BID: variants seen among roughly 807,000 people sequenced by gnomAD.
The protein encoded by BID is BH3 interacting domain death agonist, also known as BH3-interacting domain death agonist.
In BID, 19 loss-of-function variants were observed where a neutral mutation model predicts 17.4. The observed-to-expected ratio is 1.09, with a 90% CI of 0.76 to 1.60. The LOEUF is 1.60. Ranked by LOEUF, BID falls within the 40% of genes most tolerant of loss-of-function variation. The probability of loss-of-function intolerance (pLI) is 0.00; values close to 1 mark genes in which losing one functional copy is unlikely to be tolerated. For missense variants in BID, 226 were observed against 256.0 expected (o/e 0.88, Z 0.80); for synonymous variants, 108 against 102.8 (o/e 1.05, Z -0.31).
chr22:17,768,860 G>T (rs112896765), intron 1 of BID, among the ~76,000 whole-genome samples: 1 of 141,056 alleles, frequency 7.1e-6, no homozygotes, highest in Non-Finnish European at 1.5e-5. Context: ...GCGACAGAGC[G>T]AGACTCCGTC....
intron 1 of BID, among the ~76,000 whole-genome samples, chr22:17,757,946 G>C (rs989404576): frequency 6.6e-6 from 1 of 152,168 alleles, no homozygotes; most frequent in African/African-American, 2.4e-5. Flanking sequence ...TGGAAGCAGA[G>C]ACAAAACTTC....
rs376172924 is a variant in BID at position 17,766,747 on chromosome 22, G to A, written c.-59+7634C>T. On this transcript the variant is annotated intron_variant, in intron 1 of 5. Coordinates refer to ENST00000622694, the MANE Select transcript of BID (RefSeq NM_001196.4). ...TGGGAGTATAGGCGTCTGCCACCAC[G>A]CCCGGCTAATTGTTTGTATTTTTTA... Among the ~76,000 whole-genome samples, 7 of 151,568 alleles carry A rather than the reference G, an allele frequency of 4.6e-5. No homozygotes were observed. In the East Asian group the frequency reaches 1.0e-3, roughly 22 times the overall value.
chr22:17,774,053 C>A, intron 1 of BID: 1 of 350,530 alleles, frequency 2.9e-6, no homozygotes, highest in East Asian at 7.5e-5. Flanking sequence ...CCCCTCCCCG[C>A]GCCCCGCACC....
At chr22:17,742,673 G>T (rs1348768702) in intron 3 of BID, among the ~76,000 whole-genome samples, 1 of 152,144 alleles carries the variant, frequency 6.6e-6, no homozygotes, top group Non-Finnish European at 1.5e-5. Context: ...TCAGGGCAGG[G>T]ATTCTACCTG....
chr22:17,746,208 C>T (rs1049864431), intron 2 of BID, among the ~76,000 whole-genome samples: 6 of 147,732 alleles, frequency 4.1e-5, no homozygotes, highest in Admixed American at 2.1e-4. Context: ...GAGCAGGCAC[C>T]GGGCACTTTA....
At chr22:17,740,120 C>T (rs371128441) in intron 3 of BID, 83 of 1,607,424 alleles carry the variant, frequency 5.2e-5, no homozygotes, top group East Asian at 6.7e-5. Flanking sequence ...TCAACTGCCA[C>T]GCTCCCTGCC....
chr22:17,761,775 A>G (rs1196695436), intron 1 of BID, among the ~76,000 whole-genome samples: 2 of 152,200 alleles, frequency 1.3e-5, no homozygotes, highest in East Asian at 3.9e-4. Flanking sequence ...ATGAGTAAAC[A>G]AAGAAGGCAA....
intron 1 of BID, among the ~76,000 whole-genome samples, chr22:17,755,082 CTTTTTTTTTTTTTTTTTTTT>C (rs1337184027): frequency 1.0e-5 from 1 of 99,254 alleles, no homozygotes; most frequent in Non-Finnish European, 2.0e-5. Context: ...TTTTTCTTTT[CTTTTTTTTTTTTTTTTTTTT>C]GAGTCGGAGT....
chr22:17,760,805 A>C (rs1040454661), intron 1 of BID, among the ~76,000 whole-genome samples: 1 of 152,166 alleles, frequency 6.6e-6, no homozygotes, highest in Non-Finnish European at 1.5e-5. Context: ...GGGGAACATC[A>C]GCATGGGAAG....
In BID at chr22:17,739,337, G is replaced by A. The variant is rs755054203; in HGVS notation, c.363+12C>T. 213 of 1,576,674 alleles carry A rather than the reference G, an allele frequency of 1.4e-4. No individual in the cohort carries two copies. Among genetic ancestry groups the A allele is most frequent in the South Asian group, 2.2e-4 (19 of 88,328 alleles). ...ACTTGCCCGCCCACGCGGTCCTCAG[G>A]CCCTCACTCACCTCCTCCGACCGGC... On this transcript the variant is annotated intron_variant, in intron 4 of 5. Coordinates refer to ENST00000622694, the MANE Select transcript of BID (RefSeq NM_001196.4).
intron 1 of BID, among the ~76,000 whole-genome samples, chr22:17,770,943 G>A (rs183091365): frequency 5.1e-4 from 77 of 152,314 alleles, no homozygotes; most frequent in Non-Finnish European, 9.3e-4. Flanking sequence ...AGACTGAGCC[G>A]CAGCCCCAGA....
chr22:17,768,116 C>CCAGGGCTGT (rs1390352410), intron 1 of BID, among the ~76,000 whole-genome samples: 2 of 152,040 alleles, frequency 1.3e-5, no homozygotes, highest in East Asian at 3.9e-4. Context: ...GCCAGGGCTG[C>CCAGGGCTGT]GGAGCAGCCA....
intron 1 of BID, among the ~76,000 whole-genome samples, chr22:17,768,872 CAAAA>C (rs56172842): frequency 4.1e-5 from 3 of 73,714 alleles, no homozygotes; most frequent in Non-Finnish European, 2.8e-5. Flanking sequence ...GACTCCGTCT[CAAAA>C]AAAAAAAAAA....
intron 2 of BID, among the ~76,000 whole-genome samples, chr22:17,749,537 C>T (rs2061521111): frequency 6.6e-6 from 1 of 152,330 alleles, no homozygotes; most frequent in Admixed American, 6.5e-5. Flanking sequence ...TTACAGTTTA[C>T]AGTACTTTTA....
intron 4 of BID, among the ~76,000 whole-genome samples, 170 bp downstream of exon 4, chr22:17,739,176 ATCT>A (rs8190333): frequency 0.63 from 96,274 of 151,994 alleles, 31,001 homozygotes; most frequent in East Asian, 0.85. Context: ...ACCAGCTGAA[ATCT>A]TCTGCAAGGC....
At chr22:17,766,684 G>A (rs1038961811) in intron 1 of BID, among the ~76,000 whole-genome samples, 3 of 151,136 alleles carry the variant, frequency 2.0e-5, no homozygotes, top group African/African-American at 7.3e-5. Context: ...CCGCAGCCTG[G>A]GTTCACGCCA....
chr22:17,743,938 C>T lies in BID; in HGVS notation c.88G>A (p.Asp30Asn). The change falls in exon 3 of 6, where the codon GAC becomes AAC. Residue 30 changes from aspartate to asparagine, a missense_variant. By Grantham distance (23) the Asp-to-Asn change is conservative (BLOSUM62 1). Transcript: ENST00000622694. ...LVFGFLQSCS[D>N]NSFRRELDAL... Reference sequence around the variant, plus strand: ...TCCAGCTCTCTGCGGAAGCTGTTGTCAGAACAGCTTTGGAGGAAGCCAAAC... The same window carrying T: ...TCCAGCTCTCTGCGGAAGCTGTTGTTAGAACAGCTTTGGAGGAAGCCAAAC... 6.2e-7 allele frequency: 1 copy of T among 1,613,932 alleles called. No homozygotes were observed. The highest frequency in any genetic ancestry group is 8.5e-7 in the Non-Finnish European group (1 of 1,180,012).
At chr22:17,738,919 G>T (rs2145873357) in intron 4 of BID, among the ~76,000 whole-genome samples, 1 of 152,266 alleles carries the variant, frequency 6.6e-6, no homozygotes, top group Middle Eastern at 3.4e-3. Context: ...GACCAATCTT[G>T]TATCCCCAAC....
At chr22:17,767,223 CA>C (rs36077043) in intron 1 of BID, among the ~76,000 whole-genome samples, 21 of 145,810 alleles carry the variant, frequency 1.4e-4, no homozygotes, top group East Asian at 6.1e-4. Flanking sequence ...GATTCCATCT[CA>C]AAAAAAAAAA....
Sources: gnomAD v4.1 joint callset for allele counts (sites outside exome capture counted in the v4.1 genomes callset) on GRCh38, gnomAD v4.1.1 for gene constraint, MANE v1.5 for transcripts, NCBI Gene and HGNC (gene_info 2026-07-23, HGNC 2026-07-21) for gene names.